The following KIF23 variants were observed in gnomAD, a reference collection of about 807,000 sequenced individuals.
The protein encoded by KIF23 is kinesin family member 23, also known as kinesin-like protein KIF23.
KIF23 carries 30 observed loss-of-function variants against 137.5 expected under a neutral mutation model. The ratio of observed to expected loss-of-function variants is 0.22; its 90% CI spans 0.16 to 0.30. The LOEUF (loss-of-function observed/expected upper bound fraction) is 0.30, where lower values mean the gene tolerates loss of function less well. Ranked by LOEUF, KIF23 falls within the 10% of genes least tolerant of loss-of-function variation. The pLI, the probability that KIF23 is intolerant of heterozygous loss-of-function variation, is 1.00. For missense variants in KIF23, 920 were observed against 1,194.3 expected, an observed-to-expected ratio of 0.77 and a Z score of 3.38; for synonymous variants, 367 against 391.1, an observed-to-expected ratio of 0.94 and a Z score of 0.73.
At chr15:69,434,875 C>G (rs1191049629) in intron 11 of KIF23, 1 of 745,202 alleles carries the variant, frequency 1.3e-6, no homozygotes, top group East Asian at 2.5e-5. Context: ...TCCATAGCTG[C>G]GCGGCCATGC....
Position 69,436,134 on chromosome 15 carries a change from T to C in KIF23, c.1315-4T>C, listed in dbSNP as rs541402996. The C allele has an allele frequency of 1.9e-6, 3 of 1,610,804 alleles. No individual in the cohort carries two copies. In the Admixed American group the frequency reaches 5.1e-5, roughly 27 times the overall value. On this transcript the variant is annotated splice_region_variant and splice_polypyrimidine_tract_variant and intron_variant, in intron 13 of 23. Transcript: ENST00000679126. ...TTTTAAACTCCATTTGTTTTGTGTTTTAGCAAGTCATGAGATTTGCGGAAG... is the reference window on the plus strand; with the variant it reads ...TTTTAAACTCCATTTGTTTTGTGTTCTAGCAAGTCATGAGATTTGCGGAAG...
chr15:69,426,796 A>G, intron 10 of KIF23: 2 of 232,096 alleles, frequency 8.6e-6, no homozygotes, highest in East Asian at 1.0e-4. Flanking sequence ...GGTTCTCTGT[A>G]TCTGTGAGTT....
chr15:69,446,115 G>A (rs764777831), intron 21 of KIF23, 24 bp downstream of exon 21: 4 of 1,595,974 alleles, frequency 2.5e-6, no homozygotes, highest in Middle Eastern at 3.3e-4. Flanking sequence ...AAAAATCTCT[G>A]TATAAAAGTT....
rs745357797 is a variant in KIF23 at position 69,438,254 on chromosome 15, C to T, written c.1604C>T (p.Ala535Val). Residue 535 changes from alanine to valine, a missense_variant, in exon 16 of 24, where the codon GCT becomes GTT. By Grantham distance (64) the Ala-to-Val change is moderately conservative. This residue lies in a region of KIF23 where 714 missense variants were observed against 866.2 expected (regional missense o/e 0.82). Coordinates refer to ENST00000679126, the MANE Select transcript of KIF23 (RefSeq NM_001367805.3). ...CTGTATGTTTTTGTTTCAGCTAATG[C>T]TTTTAAAGCTTTGTTACAAGAATTT... ...MIDEFNKQSN[A>V]FKALLQEFDN... 2 of 1,597,526 alleles carry T rather than the reference C, an allele frequency of 1.3e-6. No homozygotes were observed. Among genetic ancestry groups the T allele is most frequent in the East Asian group, 2.2e-5 (1 of 44,482 alleles).
chr15:69,434,194 C>G (rs1438914648), intron 11 of KIF23, among the ~76,000 whole-genome samples: 1 of 152,166 alleles, frequency 6.6e-6, no homozygotes, highest in African/African-American at 2.4e-5. Flanking sequence ...AAAGTCTTCT[C>G]CAATCCAGTT....
At chr15:69,429,498 G>A (rs1164611302) in intron 11 of KIF23, among the ~76,000 whole-genome samples, 6 of 151,774 alleles carry the variant, frequency 4.0e-5, no homozygotes, top group Admixed American at 3.9e-4. Context: ...GTAGAGGTGG[G>A]GTCTCCTTAT....
intron 23 of KIF23, 83 bp from the exon 24 acceptor site, chr15:69,447,709 C>T: frequency 1.5e-6 from 2 of 1,365,584 alleles, no homozygotes; most frequent in East Asian, 2.4e-5. Context: ...CAGCAGTTCT[C>T]AAAGGCCTCC....
At position 69,446,863 on chromosome 15, in the gene KIF23, CCTCT is replaced by C; in HGVS notation, c.2839-6_2839-3del. 6.2e-7 allele frequency: 1 copy of C among 1,613,714 alleles called. No individual in the cohort carries two copies. The highest frequency in any genetic ancestry group is 8.5e-7 in the Non-Finnish European group (1 of 1,179,668). On this transcript the variant is annotated splice_polypyrimidine_tract_variant and splice_region_variant and intron_variant, in intron 22 of 23. Coordinates refer to ENST00000679126, the MANE Select transcript of KIF23 (RefSeq NM_001367805.3). Reference sequence around the variant, plus strand: ...CTGATCTTTTTCCTCTTGTCATTTTCCTCTCAGTGTTCTGTGGCTGTGGAGATGA... The same window carrying C: ...CTGATCTTTTTCCTCTTGTCATTTTCCAGTGTTCTGTGGCTGTGGAGATGA...
At chr15:69,416,264 C>T (rs1176205845) in intron 2 of KIF23, among the ~76,000 whole-genome samples, 1 of 152,076 alleles carries the variant, frequency 6.6e-6, no homozygotes, top group Admixed American at 6.5e-5. Context: ...TTAAATTAGT[C>T]CAGTAAAATG....
At position 69,436,763 on chromosome 15, in the gene KIF23, T is replaced by A. The variant is rs113624049; in HGVS notation, c.1597+41T>A. The A allele has an allele frequency of 1.7e-3, 2,188 of 1,322,206 alleles. 23 individuals are homozygous for A. The African/African-American group carries it at 0.029, about 18-fold the overall frequency. 81.9% of individuals were successfully genotyped at this position (1,322,206 alleles called of 1,614,324 possible). On this transcript the variant is annotated intron_variant, in intron 15 of 23. Transcript: ENST00000679126. ...TTTGAAATAATTTTATTTAATTATTTTTTTTTTTTGAGACATAGTTTCACT... is the reference window on the plus strand; with the variant it reads ...TTTGAAATAATTTTATTTAATTATTATTTTTTTTTGAGACATAGTTTCACT...
intron 11 of KIF23, among the ~76,000 whole-genome samples, chr15:69,432,235 G>A (rs1596002294): frequency 1.3e-5 from 2 of 152,238 alleles, no homozygotes; most frequent in East Asian, 1.9e-4. Flanking sequence ...AAAGGAGATT[G>A]TAGTTGGGGC....
rs777031899 is a variant in KIF23 at position 69,426,123 on chromosome 15, C to G, written c.830C>G (p.Ala277Gly). 3 of 1,607,754 alleles carry G rather than the reference C, an allele frequency of 1.9e-6. No individual in the cohort carries two copies. Among genetic ancestry groups the G allele is most frequent in the Admixed American group, 3.5e-5 (2 of 57,750 alleles). The change falls in exon 9 of 24, where the codon GCA becomes GGA. Residue 277 changes from alanine (A) to glycine (G), a missense_variant. Transcript: ENST00000679126. ...REDKNHNMYV[A>G]GCTEVEVKST... is the part of the protein sequence containing the mutation. Reference sequence around the variant, plus strand: ...GATAAGAACCATAACATGTATGTTGCAGGATGTACAGAAGTTGAAGTGAAA... The same window carrying G: ...GATAAGAACCATAACATGTATGTTGGAGGATGTACAGAAGTTGAAGTGAAA...
intron 3 of KIF23, among the ~76,000 whole-genome samples, chr15:69,418,473 G>A (rs2140313744): frequency 6.6e-6 from 1 of 152,208 alleles, no homozygotes; most frequent in South Asian, 2.1e-4. Flanking sequence ...CTCAAGGAAT[G>A]GCACTATCGT....
chr15:69,437,910 C>G (rs1417396704), intron 15 of KIF23, among the ~76,000 whole-genome samples: 1 of 152,176 alleles, frequency 6.6e-6, no homozygotes, highest in African/African-American at 2.4e-5. Context: ...CCAAGGATTT[C>G]AGCTCAGGTT....
intron 10 of KIF23, among the ~76,000 whole-genome samples, chr15:69,428,253 A>T (rs1428838583): frequency 2.9e-5 from 4 of 140,058 alleles, no homozygotes; most frequent in Non-Finnish European, 6.2e-5. Context: ...GACTCTGTCT[A>T]AAAAAAAAAA....
At chr15:69,438,779 C>T (rs1447631322) in intron 16 of KIF23, among the ~76,000 whole-genome samples, 3 of 148,400 alleles carry the variant, frequency 2.0e-5, no homozygotes, top group Non-Finnish European at 3.0e-5. Flanking sequence ...CCAGCCTGGG[C>T]GACAAGAGCA....
chr15:69,436,249 C>G lies in KIF23; in HGVS notation c.1426C>G (p.Pro476Ala). ...GRRYRNQPRG[P>A]VGNEPLVTDV... ...GAGATACAGAAACCAGCCTCGAGGT[C>G]CAGTTGGAAATGGTATGATTTGGTG... The change falls in exon 14 of 24, where the codon CCA becomes GCA. Residue 476 changes from proline (P) to alanine (A), a missense_variant. Around this residue, in one of 4 missense-constraint regions of KIF23, gnomAD observed 714 missense variants for 866.2 expected, o/e 0.82. Coordinates refer to ENST00000679126, the MANE Select transcript of KIF23 (RefSeq NM_001367805.3). 6.2e-7 allele frequency: 1 copy of G among 1,613,668 alleles called. No homozygotes were observed.
At chr15:69,437,671 G>T (rs2057516693) in intron 15 of KIF23, among the ~76,000 whole-genome samples, 2 of 152,002 alleles carry the variant, frequency 1.3e-5, no homozygotes, top group African/African-American at 4.8e-5. Flanking sequence ...ATGTTGGTCA[G>T]GCTGGTCTCA....
intron 11 of KIF23, among the ~76,000 whole-genome samples, chr15:69,430,984 G>A (rs1236776018): frequency 2.6e-5 from 4 of 152,276 alleles, no homozygotes; most frequent in African/African-American, 9.6e-5. Flanking sequence ...TAGTCTTTTA[G>A]AAAGATCATT....
Sources: allele counts gnomAD v4.1 joint callset (sites outside exome capture counted in the v4.1 genomes callset), GRCh38; gene constraint gnomAD v4.1.1; regional missense constraint gnomAD v4.1.1; transcripts MANE v1.5; gene names NCBI Gene and HGNC (gene_info 2026-07-23, HGNC 2026-07-21).